The following SYN3 variants were observed in gnomAD, a reference collection of about 807,000 sequenced individuals.
SYN3 encodes the protein synapsin-3.
A neutral mutation model predicts 65.8 loss-of-function variants in SYN3; 35 were observed. The ratio of observed to expected loss-of-function variants is 0.53; its 90% CI spans 0.41 to 0.70. The LOEUF is 0.70. Ranked by LOEUF, SYN3 falls within the 30% of genes least tolerant of loss-of-function variation. The pLI, the probability that SYN3 is intolerant of heterozygous loss-of-function variation, is 0.00. For missense variants in SYN3, 680 were observed against 749.0 expected (o/e 0.91, Z 1.08); for synonymous variants, 270 against 292.9 (o/e 0.92, Z 0.80).
At chr22:32,994,811 CT>C (rs1256110341) in intron 2 of SYN3, among the ~76,000 whole-genome samples, 2 of 152,194 alleles carry the variant, frequency 1.3e-5, no homozygotes, top group East Asian at 3.9e-4. Context: ...TTCCTTCCCC[CT>C]GGCTTCCACA....
chr22:32,798,259 T>C (rs1164792227), intron 6 of SYN3, among the ~76,000 whole-genome samples: 5 of 152,064 alleles, frequency 3.3e-5, no homozygotes, highest in Non-Finnish European at 7.4e-5. Context: ...GTACAAAGAC[T>C]CAAACGAATC....
chr22:33,042,326 C>A (rs573033470), intron 1 of SYN3, among the ~76,000 whole-genome samples: 14 of 152,290 alleles, frequency 9.2e-5, no homozygotes, highest in African/African-American at 3.4e-4. Flanking sequence ...GCAGGAAAGG[C>A]CCCCAGACCC....
At chr22:32,956,756 T>C (rs2051476183) in intron 3 of SYN3, among the ~76,000 whole-genome samples, 1 of 152,210 alleles carries the variant, frequency 6.6e-6, no homozygotes, top group Non-Finnish European at 1.5e-5. Context: ...TACAAATATC[T>C]GTTCAAGTCC....
chr22:33,056,178 G>A (rs914909730), intron 1 of SYN3, among the ~76,000 whole-genome samples: 3 of 152,112 alleles, frequency 2.0e-5, no homozygotes, highest in African/African-American at 4.8e-5. Flanking sequence ...AGTAGTCTTC[G>A]TGGCTATTAT....
chr22:32,509,725 C>T lies in SYN3; in HGVS notation c.*3967G>A, dbSNP rs142127854. On this transcript the variant is annotated 3_prime_UTR_variant, in exon 14 of 14. Transcript: ENST00000358763. The stretch of plus-strand genomic sequence containing the variant: ...CTGGGACTACAGGCGCCCGCTACCA[C>T]GCCCGGCTAATTTTTTATATTTTTA... Among the ~76,000 whole-genome samples, 401 of 152,112 alleles carry T rather than the reference C, an allele frequency of 2.6e-3. No individual in the cohort carries two copies. The highest frequency in any genetic ancestry group is 0.018 in the East Asian group (95 of 5,144).
intron 6 of SYN3, among the ~76,000 whole-genome samples, chr22:32,689,339 T>G (rs897786295): frequency 2.0e-5 from 3 of 152,146 alleles, no homozygotes; most frequent in Admixed American, 6.5e-5. Context: ...AATGGCCGGG[T>G]GACTGTGGAG....
intron 7 of SYN3, among the ~76,000 whole-genome samples, chr22:32,569,116 A>G (rs934533661): frequency 1.1e-4 from 17 of 152,186 alleles, no homozygotes; most frequent in African/African-American, 3.6e-4. Context: ...ATTTGGAATG[A>G]GTTCTTAAGT....
intron 7 of SYN3, among the ~76,000 whole-genome samples, chr22:32,560,745 G>T (rs1227690865): frequency 6.6e-6 from 1 of 152,094 alleles, no homozygotes; most frequent in Non-Finnish European, 1.5e-5. Flanking sequence ...TTCAAGCAAG[G>T]GGGATCACAT....
chr22:33,000,636 G>C (rs777803513), intron 2 of SYN3, among the ~76,000 whole-genome samples: 1 of 152,222 alleles, frequency 6.6e-6, no homozygotes, highest in Non-Finnish European at 1.5e-5. Context: ...GTAGAAAAGG[G>C]GGCAGCATCA....
chr22:32,689,875 C>T (rs1183984088), intron 6 of SYN3, among the ~76,000 whole-genome samples: 2 of 152,050 alleles, frequency 1.3e-5, no homozygotes, highest in Non-Finnish European at 2.9e-5. Context: ...TCTCAGTGCC[C>T]TTATAAAAGA....
intron 6 of SYN3, among the ~76,000 whole-genome samples, chr22:32,682,395 C>T (rs1445461276): frequency 6.6e-6 from 1 of 152,150 alleles, no homozygotes; most frequent in Admixed American, 6.5e-5. Flanking sequence ...ATGCCTCTGG[C>T]TGCTGTATTG....
chr22:32,703,312 T>C (rs962552048), intron 6 of SYN3, among the ~76,000 whole-genome samples: 2 of 152,146 alleles, frequency 1.3e-5, no homozygotes, highest in Non-Finnish European at 1.5e-5. Flanking sequence ...ACACTCAGGA[T>C]CTGTACATTT....
chr22:32,676,758 T>C (rs1307334911), intron 6 of SYN3, among the ~76,000 whole-genome samples: 1 of 151,202 alleles, frequency 6.6e-6, no homozygotes, highest in Non-Finnish European at 1.5e-5. Flanking sequence ...TTAGCCAGGA[T>C]GGTCTCAATC....
intron 6 of SYN3, among the ~76,000 whole-genome samples, chr22:32,622,937 C>T (rs1335579736): frequency 6.6e-6 from 1 of 152,012 alleles, no homozygotes. Context: ...AGAGATGTGA[C>T]TGAGCTCATT....
At chr22:32,992,397 C>G (rs1027263515) in intron 2 of SYN3, among the ~76,000 whole-genome samples, 1 of 152,238 alleles carries the variant, frequency 6.6e-6, no homozygotes, top group Non-Finnish European at 1.5e-5. Flanking sequence ...TTTCTGTATA[C>G]TGAGCTTAAA....
chr22:32,959,174 A>G (rs1490866613), intron 3 of SYN3, among the ~76,000 whole-genome samples: 1 of 152,038 alleles, frequency 6.6e-6, no homozygotes, highest in Non-Finnish European at 1.5e-5. Flanking sequence ...ATGGTAGTTG[A>G]TAAGTTTCAC....
intron 4 of SYN3, among the ~76,000 whole-genome samples, chr22:32,896,123 G>A (rs2049586942): frequency 1.3e-5 from 2 of 152,132 alleles, no homozygotes; most frequent in South Asian, 4.1e-4. Flanking sequence ...ATATGATATT[G>A]AAACTATAAA....
chr22:32,566,576 C>A (rs1296427461), intron 7 of SYN3, among the ~76,000 whole-genome samples: 1 of 152,098 alleles, frequency 6.6e-6, no homozygotes, highest in Non-Finnish European at 1.5e-5. Flanking sequence ...CGGAGGAGAG[C>A]AAGCAAAACA....
chr22:32,565,925 G>A (rs2058667232), intron 7 of SYN3, among the ~76,000 whole-genome samples: 1 of 151,908 alleles, frequency 6.6e-6, no homozygotes, highest in South Asian at 2.1e-4. Flanking sequence ...TGTTAACCAG[G>A]ATGGTCTCGA....
Sources: allele counts gnomAD v4.1 joint callset (sites outside exome capture counted in the v4.1 genomes callset), GRCh38; gene constraint gnomAD v4.1.1; transcripts MANE v1.5; gene names NCBI Gene and HGNC (gene_info 2026-07-23, HGNC 2026-07-21).